The following ANAPC10 variants were observed in gnomAD, a reference collection of about 807,000 sequenced individuals.
The protein encoded by ANAPC10 is anaphase-promoting complex subunit 10.
A neutral mutation model predicts 22.0 loss-of-function variants in ANAPC10; 12 were observed. The ratio of observed to expected loss-of-function variants is 0.55; its 90% CI spans 0.35 to 0.88. ANAPC10 has a LOEUF of 0.88. ANAPC10 is among the 40% of genes least tolerant of loss of function. The pLI, the probability that ANAPC10 is intolerant of heterozygous loss-of-function variation, is 0.01. For missense variants in ANAPC10, 188 were observed against 220.9 expected (o/e 0.85, Z 0.94); for synonymous variants, 65 against 69.5 (o/e 0.94, Z 0.32).
intron 4 of ANAPC10, among the ~76,000 whole-genome samples, chr4:145,039,166 T>C (rs1335071554): frequency 1.3e-5 from 2 of 152,000 alleles, no homozygotes; most frequent in South Asian, 4.2e-4. Flanking sequence ...AAAGTGGCAT[T>C]GTATTTCTCA....
chr4:145,040,528 T>C (rs1739356797), intron 4 of ANAPC10, among the ~76,000 whole-genome samples: 1 of 152,224 alleles, frequency 6.6e-6, no homozygotes, highest in Non-Finnish European at 1.5e-5. Flanking sequence ...ACTGAGCTGC[T>C]AGTATGTTCC....
chr4:145,097,884 G>A (rs373642093), intron 1 of ANAPC10: 8 of 287,486 alleles, frequency 2.8e-5, no homozygotes, highest in African/African-American at 1.5e-4. Flanking sequence ...GCCCTGAACT[G>A]ACCACACAGT....
At chr4:145,079,479 A>C (rs1397922187) in intron 3 of ANAPC10, among the ~76,000 whole-genome samples, 4 of 152,258 alleles carry the variant, frequency 2.6e-5, no homozygotes, top group Non-Finnish European at 5.9e-5. Context: ...GAGATTTCTC[A>C]AAGAATTTAA....
intron 2 of ANAPC10, among the ~76,000 whole-genome samples, chr4:145,088,086 C>T (rs540939286): frequency 6.6e-6 from 1 of 152,112 alleles, no homozygotes; most frequent in Non-Finnish European, 1.5e-5. Context: ...AATTAACTAA[C>T]TTCCTGAAAC....
At chr4:145,026,198 G>A (rs988279012) in intron 4 of ANAPC10, among the ~76,000 whole-genome samples, 7 of 152,212 alleles carry the variant, frequency 4.6e-5, no homozygotes, top group East Asian at 3.9e-4. Context: ...ATGAAAATCC[G>A]TAAGAAAAGA....
chr4:145,021,852 C>A (rs766058129), intron 4 of ANAPC10, among the ~76,000 whole-genome samples: 1 of 152,022 alleles, frequency 6.6e-6, no homozygotes. Context: ...AAAAAGTGGG[C>A]TAAGGACATG....
chr4:145,072,138 C>T (rs988787698), intron 3 of ANAPC10, among the ~76,000 whole-genome samples: 1 of 152,166 alleles, frequency 6.6e-6, no homozygotes, highest in Non-Finnish European at 1.5e-5. Context: ...TTTCACTACT[C>T]ACTAGAACTG....
At chr4:145,037,574 T>C (rs1035470489) in intron 4 of ANAPC10, among the ~76,000 whole-genome samples, 1 of 152,164 alleles carries the variant, frequency 6.6e-6, no homozygotes, top group Non-Finnish European at 1.5e-5. Context: ...GCATCATAAA[T>C]TCAAAATGCC....
intron 4 of ANAPC10, among the ~76,000 whole-genome samples, chr4:145,003,597 A>C (rs1732902191): frequency 6.6e-6 from 1 of 152,186 alleles, no homozygotes; most frequent in South Asian, 2.1e-4. Context: ...TTGAATAGGA[A>C]GTCCTTCCCC....
intron 4 of ANAPC10, among the ~76,000 whole-genome samples, chr4:145,056,177 T>C (rs1344400293): frequency 6.6e-6 from 1 of 152,130 alleles, no homozygotes; most frequent in African/African-American, 2.4e-5. Context: ...CAGCATAAGA[T>C]ACAGGTCATA....
chr4:145,011,278 A>T (rs1167143941), intron 4 of ANAPC10, among the ~76,000 whole-genome samples: 1 of 151,742 alleles, frequency 6.6e-6, no homozygotes, highest in East Asian at 1.9e-4. Flanking sequence ...CGGAGGTTGC[A>T]GTAAGCCAAG....
intron 3 of ANAPC10, among the ~76,000 whole-genome samples, chr4:145,071,495 C>G (rs1744485857): frequency 6.6e-6 from 1 of 152,142 alleles, no homozygotes. Flanking sequence ...GTTTATTACT[C>G]ACCATCTCAA....
intron 2 of ANAPC10, among the ~76,000 whole-genome samples, chr4:145,083,186 TTAAC>T (rs1746340092): frequency 6.6e-6 from 1 of 152,150 alleles, no homozygotes; most frequent in Non-Finnish European, 1.5e-5. Flanking sequence ...TGATATCACA[TTAAC>T]TATGTGCCAG....
At chr4:145,064,393 AAAAT>A (rs1743367494) in intron 4 of ANAPC10, 175 bp downstream of exon 4, 3 of 423,596 alleles carry the variant, frequency 7.1e-6, no homozygotes, top group Admixed American at 8.6e-5. Context: ...TATTGTGGAA[AAAAT>A]AAAGAGAACA....
At chr4:145,083,072 A>G (rs993654665) in intron 2 of ANAPC10, among the ~76,000 whole-genome samples, 2 of 152,124 alleles carry the variant, frequency 1.3e-5, no homozygotes, top group Admixed American at 6.6e-5. Flanking sequence ...ATAGCTCTGC[A>G]TGTTGGTGTT....
chr4:145,002,352 G>A (rs999760261), intron 4 of ANAPC10, among the ~76,000 whole-genome samples: 1 of 152,128 alleles, frequency 6.6e-6, no homozygotes, highest in African/African-American at 2.4e-5. Context: ...GCTCACTATG[G>A]AAAGCAAGCT....
At chr4:145,080,864 G>A (rs1305340188) in intron 3 of ANAPC10, among the ~76,000 whole-genome samples, 2 of 139,100 alleles carry the variant, frequency 1.4e-5, no homozygotes, top group East Asian at 2.1e-4. Flanking sequence ...CCGAGATCAC[G>A]CCACTGCACT....
chr4:145,023,559 A>G (rs750990106), intron 4 of ANAPC10, among the ~76,000 whole-genome samples: 2 of 152,218 alleles, frequency 1.3e-5, no homozygotes, highest in Non-Finnish European at 2.9e-5. Context: ...ACCAGTTTGC[A>G]ATAAAGCAAG....
intron 2 of ANAPC10, among the ~76,000 whole-genome samples, chr4:145,089,172 C>T (rs1483225347): frequency 1.3e-5 from 2 of 152,156 alleles, no homozygotes. Context: ...CACTATTCAA[C>T]TCAGAAATCC....
Sources: allele counts gnomAD v4.1 joint callset (sites outside exome capture counted in the v4.1 genomes callset), GRCh38; gene constraint gnomAD v4.1.1; transcripts MANE v1.5; gene names NCBI Gene and HGNC (gene_info 2026-07-23, HGNC 2026-07-21).